Variants in BCAR1 observed in about 807,000 individuals in gnomAD.
BCAR1 encodes breast cancer anti-estrogen resistance protein 1.
BCAR1 carries 30 observed loss-of-function variants against 67.6 expected under a neutral mutation model. The observed-to-expected ratio is 0.44, with a 90% CI of 0.33 to 0.60. The LOEUF (loss-of-function observed/expected upper bound fraction) is 0.60. Ranked by LOEUF, BCAR1 falls within the 20% of genes least tolerant of loss-of-function variation. The pLI, the probability that BCAR1 is intolerant of heterozygous loss-of-function variation, is 0.02. For missense variants in BCAR1, 1,313 were observed against 1,222.3 expected (o/e 1.07, Z -1.11); for synonymous variants, 626 against 556.7 (o/e 1.12, Z -1.75).
In BCAR1 at chr16:75,230,007, C is replaced by T. The variant is rs376571253; in HGVS notation, c.2117G>A (p.Arg706Gln). Residue 706 changes from arginine (R) to glutamine (Q), a missense_variant, in exon 7 of 7, where the codon CGA becomes CAA. Coordinates refer to ENST00000162330, the MANE Select transcript of BCAR1 (RefSeq NM_014567.5). The stretch of plus-strand genomic sequence containing the variant: ...GGGCCGTGACACCTCCTGTTCCAGT[C>T]GTTCAAACTGCTTCAGCTGGGGCAG... ...LELQQLKQFE[R>Q]LEQEVSRPID... The T allele has an allele frequency of 2.7e-5, 42 of 1,537,884 alleles. No individual in the cohort carries two copies. The African/African-American group carries it at 4.4e-4, about 16-fold the overall frequency.
chr16:75,235,442 G>T lies in BCAR1; in HGVS notation c.1457C>A (p.Ala486Glu). ...AGAGGGGCTACGCCAGCTCCCAGTC[G>T]CACCGGCGCTGCCTGCCAGGTCCAG... ...HLLDLAGSAG[A>E]TGSWRSPSEP... Residue 486 changes from alanine (A) to glutamate (E), a missense_variant, in exon 5 of 7, where the codon GCG becomes GAG. Around this residue, in one of 2 missense-constraint regions of BCAR1, gnomAD observed 1,272 missense variants for 1,137.5 expected, o/e 1.12. Transcript: ENST00000162330. 2 of 1,607,648 alleles carry T rather than the reference G, an allele frequency of 1.2e-6. No individual in the cohort carries two copies. Among genetic ancestry groups the T allele is most frequent in the South Asian group, 1.1e-5 (1 of 90,798 alleles).
rs1294240534 is a variant in BCAR1, at chr16:75,230,015, C to T, written c.2109G>A (p.Gln703=). The T allele has an allele frequency of 3.3e-6, 5 of 1,532,580 alleles. No individual in the cohort carries two copies. The highest frequency in any genetic ancestry group is 3.5e-6 in the Non-Finnish European group (4 of 1,138,210). 94.9% of individuals were successfully genotyped at this position (1,532,580 alleles called of 1,614,324 possible). A position where few individuals can be genotyped will look rare whatever the true frequency, so the allele number is the denominator to read the frequency against. The change falls in exon 7 of 7, where the codon CAG becomes CAA. Residue 703 remains glutamine, a synonymous_variant. Coordinates refer to ENST00000162330, the MANE Select transcript of BCAR1 (RefSeq NM_014567.5). ...ACACCTCCTGTTCCAGTCGTTCAAA[C>T]TGCTTCAGCTGGGGCAGGAGGGAAG... ...KSQLELQQLK[Q]FERLEQEVSR...
chr16:75,234,180 C>G (rs934939157), intron 5 of BCAR1, among the ~76,000 whole-genome samples: 1 of 150,246 alleles, frequency 6.7e-6, no homozygotes, highest in Non-Finnish European at 1.5e-5. Flanking sequence ...CACACACACA[C>G]ACACACACAC....
At chr16:75,236,112 GCACA>G (rs1198350193) in intron 4 of BCAR1, 126 bp from the exon 5 acceptor site, 8 of 1,229,724 alleles carry the variant, frequency 6.5e-6, no homozygotes, top group South Asian at 1.5e-5. Flanking sequence ...AGAGGCACGC[GCACA>G]CACACAGGCA....
In BCAR1 at chr16:75,267,634, C is replaced by G. The variant is rs569583069; in HGVS notation, c.66+281G>C. Among the ~76,000 whole-genome samples the G allele has an allele frequency of 1.9e-3, 285 of 152,212 alleles. 1 individual carries two copies. Among genetic ancestry groups the G allele is most frequent in the Non-Finnish European group, 2.4e-3 (161 of 67,984 alleles). ...CCTTTGCTCCTCGCCCAGACCCCAC[C>G]TCCCTCCCTTGCTCCTGCTTGGGGC... On this transcript the variant is annotated intron_variant, in intron 1 of 6. Coordinates refer to the BCAR1 transcript ENST00000393422.
intron 6 of BCAR1, 138 bp from the exon 7 acceptor site, chr16:75,230,161 G>T: frequency 9.2e-7 from 1 of 1,087,866 alleles, no homozygotes; most frequent in Non-Finnish European, 1.3e-6. Context: ...GAAACGGGCA[G>T]TCTCCTCTCC....
At chr16:75,264,631 A>G (rs1467514062) in intron 1 of BCAR1, 2 of 1,266,988 alleles carry the variant, frequency 1.6e-6, no homozygotes, top group Non-Finnish European at 2.0e-6. Flanking sequence ...TCTGGAGGCG[A>G]GCAGGAGCGG....
chr16:75,264,521 G>T, intron 1 of BCAR1: 4 of 1,411,448 alleles, frequency 2.8e-6, no homozygotes, highest in Non-Finnish European at 2.8e-6. Flanking sequence ...CCTTCTTTCT[G>T]AAGACGAGAC....
Position 75,236,595 on chromosome 16 carries a change from T to C in BCAR1, c.912+287A>G, listed in dbSNP as rs1290157720. ...ATAATTACTAGTCCCCCCTTCACTCTTGGAAGTATCCCAGGTGAGATGACA... is the reference window on the plus strand; with the variant it reads ...ATAATTACTAGTCCCCCCTTCACTCCTGGAAGTATCCCAGGTGAGATGACA... On this transcript the variant is annotated intron_variant, in intron 4 of 6. Transcript: ENST00000162330. 1.0e-5 allele frequency: 5 copies of C among 502,046 alleles called. No homozygotes were observed. The Admixed American group carries it at 1.5e-4, about 15-fold the overall frequency. 31.1% of individuals were successfully genotyped at this position (502,046 alleles called of 1,614,324 possible).
intron 1 of BCAR1, among the ~76,000 whole-genome samples, chr16:75,259,406 G>C (rs1214828562): frequency 2.6e-4 from 39 of 152,244 alleles, no homozygotes. Flanking sequence ...GCTGAGGCAG[G>C]AGGATCGTTT....
chr16:75,261,224 G>C (rs2077902160), intron 1 of BCAR1, among the ~76,000 whole-genome samples: 1 of 152,200 alleles, frequency 6.6e-6, no homozygotes, highest in Non-Finnish European at 1.5e-5. Context: ...AGAAACAATG[G>C]GGCTTGACCT....
At chr16:75,244,949 C>T (rs1409405761) in intron 1 of BCAR1, among the ~76,000 whole-genome samples, 1 of 152,234 alleles carries the variant, frequency 6.6e-6, no homozygotes, top group Non-Finnish European at 1.5e-5. Flanking sequence ...GATAGTTTCT[C>T]TTCCTGTTTT....
At chr16:75,239,774 C>A (rs2077274213) in intron 2 of BCAR1, among the ~76,000 whole-genome samples, 1 of 152,162 alleles carries the variant, frequency 6.6e-6, no homozygotes, top group South Asian at 2.1e-4. Context: ...ATAGCCCGCT[C>A]CCCTCCCTCC....
chr16:75,240,401 C>A (rs576584119), intron 2 of BCAR1, among the ~76,000 whole-genome samples: 1 of 152,320 alleles, frequency 6.6e-6, no homozygotes, highest in East Asian at 1.9e-4. Context: ...CAATCGGAAA[C>A]TGCCCAGGGC....
intron 1 of BCAR1, among the ~76,000 whole-genome samples, chr16:75,260,871 G>A (rs1467709532): frequency 2.0e-5 from 3 of 152,118 alleles, no homozygotes; most frequent in African/African-American, 4.8e-5. Context: ...ACTGAGCCTC[G>A]GCTTTCTGGG....
intron 1 of BCAR1, among the ~76,000 whole-genome samples, chr16:75,258,822 T>C (rs1392815344): frequency 6.6e-6 from 1 of 152,190 alleles, no homozygotes; most frequent in Non-Finnish European, 1.5e-5. Context: ...CTCCTCAGGC[T>C]TGGCTCAGTG....
In BCAR1 at chr16:75,235,700, G is replaced by C. The variant is rs1229727285; in HGVS notation, c.1199C>G (p.Ala400Gly). Residue 400 changes from alanine to glycine, a missense_variant, in exon 5 of 7, where the codon GCT (alanine) becomes GGT (glycine). Transcript: ENST00000162330. Reference protein sequence around the residue: ...PRERVLPPEVADGGVVDSGVY... With the variant: ...PRERVLPPEVGDGGVVDSGVY... ...ACCACTGTCGACCACGCCACCATCA[G>C]CCACCTCAGGAGGAAGCACCCGTTC... The C allele has an allele frequency of 1.2e-6, 2 of 1,611,210 alleles. No homozygotes were observed. Among genetic ancestry groups the C allele is most frequent in the East Asian group, 2.2e-5 (1 of 44,866 alleles).
At chr16:75,237,432 A>C in intron 2 of BCAR1, 88 bp from the exon 3 acceptor site, 8 of 1,378,580 alleles carry the variant, frequency 5.8e-6, no homozygotes, top group Non-Finnish European at 7.5e-6. Flanking sequence ...TCCTTTTAGG[A>C]GGTGGGCAGG....
At chr16:75,248,437 G>A (rs1003918895) in intron 1 of BCAR1, 21 of 992,010 alleles carry the variant, frequency 2.1e-5, no homozygotes, top group Non-Finnish European at 2.5e-5. Flanking sequence ...GGCCCAATAA[G>A]CATGCGCCCA....
Sources: gnomAD v4.1 joint callset for allele counts (sites outside exome capture counted in the v4.1 genomes callset) on GRCh38, gnomAD v4.1.1 for gene constraint, gnomAD v4.1.1 regional missense constraint, MANE v1.5 for transcripts, NCBI Gene and HGNC (gene_info 2026-07-23, HGNC 2026-07-21) for gene names.